The following AKAP10 variants were observed in gnomAD, a reference collection of about 807,000 sequenced individuals.
AKAP10 encodes A-kinase anchoring protein 10, also known as A-kinase anchor protein 10, mitochondrial.
Under a neutral mutation model 80.8 loss-of-function variants are expected in AKAP10, and 24 were observed. The observed-to-expected ratio is 0.30, with a 90% confidence interval of 0.22 to 0.42. The LOEUF is 0.42. Ranked by LOEUF, AKAP10 falls within the 10% of genes least tolerant of loss-of-function variation. The pLI, the probability that AKAP10 is intolerant of heterozygous loss-of-function variation, is 1.00. For missense variants in AKAP10, 661 were observed against 794.9 expected (o/e 0.83, Z 2.03); for synonymous variants, 291 against 277.7 (o/e 1.05, Z -0.48).
At chr17:19,914,628 CAAAAA>C (rs36071856) in intron 12 of AKAP10, among the ~76,000 whole-genome samples, 10 of 58,510 alleles carry the variant, frequency 1.7e-4, no homozygotes, top group Non-Finnish European at 2.6e-4. Context: ...GACCCTATCT[CAAAAA>C]AAAAAAAAAA....
At chr17:19,952,886 G>A (rs2043230967) in intron 4 of AKAP10, among the ~76,000 whole-genome samples, 1 of 152,110 alleles carries the variant, frequency 6.6e-6, no homozygotes, top group Admixed American at 6.5e-5. Flanking sequence ...CAAAGTATCA[G>A]CAAGAATAAA....
chr17:19,927,083 T>C (rs531774208), intron 10 of AKAP10, among the ~76,000 whole-genome samples: 3 of 152,282 alleles, frequency 2.0e-5, no homozygotes, highest in African/African-American at 7.2e-5. Flanking sequence ...ACACCTGTAA[T>C]CCCAGCACTC....
At chr17:19,907,747 C>T (rs1271230392) in intron 14 of AKAP10, among the ~76,000 whole-genome samples, 4 of 151,750 alleles carry the variant, frequency 2.6e-5, no homozygotes. Flanking sequence ...ACTTGATGGT[C>T]TTTGTCTGCT....
At chr17:19,907,989 A>T (rs1597485178) in intron 14 of AKAP10, among the ~76,000 whole-genome samples, 2 of 151,754 alleles carry the variant, frequency 1.3e-5, no homozygotes, top group Non-Finnish European at 2.9e-5. Flanking sequence ...TCAGCCTCCC[A>T]AGTAGCCGGG....
chr17:19,942,852 A>G (rs753945289), intron 5 of AKAP10, among the ~76,000 whole-genome samples: 10 of 151,820 alleles, frequency 6.6e-5, no homozygotes, highest in African/African-American at 9.7e-5. Context: ...TAGACAATAC[A>G]AATCTGTGAT....
At chr17:19,930,996 A>G (rs934132304) in intron 10 of AKAP10, among the ~76,000 whole-genome samples, 1 of 152,120 alleles carries the variant, frequency 6.6e-6, no homozygotes, top group African/African-American at 2.4e-5. Flanking sequence ...GGCGTGAACC[A>G]TCATGCCTGG....
intron 12 of AKAP10, among the ~76,000 whole-genome samples, chr17:19,918,286 T>C (rs889001305): frequency 6.7e-6 from 1 of 149,190 alleles, no homozygotes; most frequent in Non-Finnish European, 1.5e-5. Flanking sequence ...ATGCCTGTAA[T>C]CCCAGCACTT....
chr17:19,976,527 C>A (rs966788511), intron 1 of AKAP10, among the ~76,000 whole-genome samples: 1 of 150,430 alleles, frequency 6.6e-6, no homozygotes, highest in Admixed American at 6.6e-5. Context: ...CTGTCTGGTA[C>A]TTTTTTTTTG....
intron 12 of AKAP10, among the ~76,000 whole-genome samples, chr17:19,919,303 A>G (rs1200591594): frequency 6.6e-6 from 1 of 151,962 alleles, no homozygotes; most frequent in Non-Finnish European, 1.5e-5. Context: ...TATGTGCCAC[A>G]TTTTCTTAAT....
At position 19,962,305 on chromosome 17, in the gene AKAP10, C is replaced by T. The variant is rs983608115; in HGVS notation, c.319+535G>A. Among the ~76,000 whole-genome samples, 9 of 151,618 alleles carry T rather than the reference C, an allele frequency of 5.9e-5. 1 individual carries two copies. Among genetic ancestry groups the T allele is most frequent in the Non-Finnish European group, 1.2e-4 (8 of 67,938 alleles). On this transcript the variant is annotated intron_variant, in intron 3 of 14. Transcript: ENST00000225737. Reference sequence around the variant, plus strand: ...ATACATACATACATATACACACACACACACACACACACACACACATACACA... The same window carrying T: ...ATACATACATACATATACACACACATACACACACACACACACACATACACA...
At chr17:19,970,975 G>A (rs944084513) in intron 1 of AKAP10, among the ~76,000 whole-genome samples, 6 of 151,684 alleles carry the variant, frequency 4.0e-5, no homozygotes, top group African/African-American at 1.2e-4. Flanking sequence ...GATAACACTC[G>A]AACTCCTGGG....
chr17:19,915,928 C>T (rs1017201572), intron 12 of AKAP10, among the ~76,000 whole-genome samples: 11 of 152,224 alleles, frequency 7.2e-5, no homozygotes, highest in Admixed American at 2.0e-4. Context: ...CCTGCTCCAA[C>T]TTCCAATGTG....
intron 1 of AKAP10, among the ~76,000 whole-genome samples, chr17:19,976,128 CT>C (rs1200866377): frequency 2.6e-4 from 39 of 152,180 alleles, no homozygotes; most frequent in African/African-American, 9.4e-4. Flanking sequence ...TGGTCTGCCC[CT>C]GTTACAGTTA....
At position 19,947,517 on chromosome 17, in the gene AKAP10, G is replaced by C; in HGVS notation, c.878-12C>G. Reference sequence around the variant, plus strand: ...ATCTTGTTCTATACCTGCAAGGGAAGAAGAGAACTTCAAAAACCAAAAAGC... The same window carrying C: ...ATCTTGTTCTATACCTGCAAGGGAACAAGAGAACTTCAAAAACCAAAAAGC... On this transcript the variant is annotated splice_polypyrimidine_tract_variant and intron_variant, in intron 4 of 14. Transcript: ENST00000225737. 2 of 1,596,492 alleles carry C rather than the reference G, an allele frequency of 1.3e-6. No homozygotes were observed.
At chr17:19,964,613 C>T (rs1272344684) in intron 2 of AKAP10, among the ~76,000 whole-genome samples, 1 of 152,122 alleles carries the variant, frequency 6.6e-6, no homozygotes, top group Non-Finnish European at 1.5e-5. Flanking sequence ...AACAAGGGAC[C>T]GGGTGCAGTG....
chr17:19,914,694 T>C (rs1046665321), intron 12 of AKAP10, among the ~76,000 whole-genome samples: 1 of 147,084 alleles, frequency 6.8e-6, no homozygotes, highest in African/African-American at 2.5e-5. Context: ...GAGTGGTATA[T>C]ACAAAGGATT....
intron 4 of AKAP10, among the ~76,000 whole-genome samples, chr17:19,950,098 T>A (rs1212165197): frequency 1.3e-5 from 2 of 151,656 alleles, no homozygotes; most frequent in East Asian, 3.9e-4. Flanking sequence ...AGGTCAAGAG[T>A]TCAAGACCAG....
At chr17:19,918,308 G>T (rs901506365) in intron 12 of AKAP10, among the ~76,000 whole-genome samples, 1 of 152,024 alleles carries the variant, frequency 6.6e-6, no homozygotes, top group African/African-American at 2.4e-5. Context: ...GGGAGGCTAA[G>T]GCGGGCAGAT....
chr17:19,936,333 T>C lies in AKAP10; in HGVS notation c.1420A>G (p.Asn474Asp), dbSNP rs543541621. Residue 474 changes from asparagine to aspartate, a missense_variant, in exon 9 of 15, where the codon AAC (asparagine) becomes GAC (aspartate). Physicochemically the swap from Asn to Asp is conservative, Grantham distance 23. Coordinates refer to ENST00000225737, the MANE Select transcript of AKAP10 (RefSeq NM_007202.4). ...TGACGTAATGGAGTTGTGAAACAGT[T>C]GGGGAGTGGCCCACCTTCCCTGCAG... ...NICREGGPLP[N>D]CFTTPLRQAW... 9.3e-6 allele frequency: 15 copies of C among 1,613,982 alleles called. No individual in the cohort carries two copies. The East Asian group carries it at 3.1e-4, about 34-fold the overall frequency.
Sources: allele counts gnomAD v4.1 joint callset (sites outside exome capture counted in the v4.1 genomes callset), GRCh38; gene constraint gnomAD v4.1.1; transcripts MANE v1.5; gene names NCBI Gene and HGNC (gene_info 2026-07-23, HGNC 2026-07-21).